DPP10: variants seen among roughly 807,000 people sequenced by gnomAD.
DPP10 encodes dipeptidyl peptidase like 10.
In DPP10, 33 loss-of-function variants were observed where a neutral mutation model predicts 120.9. The observed-to-expected ratio is 0.27, with a 90% CI of 0.21 to 0.37. The LOEUF is 0.37. Ranked by LOEUF, DPP10 falls within the 10% of genes least tolerant of loss-of-function variation. DPP10 has a pLI of 1.00. For missense variants in DPP10, 816 were observed against 942.8 expected, an observed-to-expected ratio of 0.87 and a Z score of 1.76; for synonymous variants, 337 against 326.1, an observed-to-expected ratio of 1.03 and a Z score of -0.36.
At chr2:114,450,744 G>A (rs1001849885) in intron 1 of DPP10, among the ~76,000 whole-genome samples, 14 of 150,600 alleles carry the variant, frequency 9.3e-5, no homozygotes, top group African/African-American at 3.4e-4. Flanking sequence ...AAAAAAAAAG[G>A]TTTTGCATTA....
chr2:114,749,730 C>G (rs1051073453), intron 1 of DPP10, among the ~76,000 whole-genome samples: 2 of 151,924 alleles, frequency 1.3e-5, no homozygotes, highest in Non-Finnish European at 2.9e-5. Context: ...CATGAGCCAC[C>G]ACACGCAGTC....
At chr2:115,336,827 A>G (rs1032866056) in intron 2 of DPP10, among the ~76,000 whole-genome samples, 1 of 151,994 alleles carries the variant, frequency 6.6e-6, no homozygotes, top group Non-Finnish European at 1.5e-5. Flanking sequence ...TTACAATCTA[A>G]TATTTTTTTC....
At chr2:115,589,871 C>G (rs2082519372) in intron 5 of DPP10, among the ~76,000 whole-genome samples, 1 of 152,134 alleles carries the variant, frequency 6.6e-6, no homozygotes, top group African/African-American at 2.4e-5. Context: ...AATAACTCAT[C>G]TAACAGACAG....
In DPP10 at chr2:114,469,711, G is replaced by C. The variant is rs553554633; in HGVS notation, c.60+26873G>C. ...CCACTGCACTCCAGCCTGGGTGACAGAGTGAGACTCCATCTCAAAAAAAAC... is the reference window on the plus strand; with the variant it reads ...CCACTGCACTCCAGCCTGGGTGACACAGTGAGACTCCATCTCAAAAAAAAC... On this transcript the variant is annotated intron_variant, in intron 1 of 25. Transcript: ENST00000410059. Among the ~76,000 whole-genome samples the C allele has an allele frequency of 5.2e-3, 732 of 139,618 alleles. 4 individuals carry two copies. The highest frequency in any genetic ancestry group is 9.5e-3 in the Non-Finnish European group (611 of 64,078). 91.6% of individuals were successfully genotyped at this position (139,618 alleles called of 152,430 possible). A position where few individuals can be genotyped will look rare whatever the true frequency, so the allele number is the denominator to read the frequency against.
At chr2:115,620,921 A>G (rs2084899591) in intron 5 of DPP10, among the ~76,000 whole-genome samples, 1 of 152,226 alleles carries the variant, frequency 6.6e-6, no homozygotes, top group African/African-American at 2.4e-5. Flanking sequence ...TATGGGAGAC[A>G]TGACTTTTAG....
chr2:114,992,389 C>A (rs1421242033), intron 1 of DPP10, among the ~76,000 whole-genome samples: 1 of 152,184 alleles, frequency 6.6e-6, no homozygotes, highest in Non-Finnish European at 1.5e-5. Context: ...GCCTAAAATT[C>A]ATGATTGTCA....
chr2:115,030,931 G>T (rs1162987516), intron 1 of DPP10, among the ~76,000 whole-genome samples: 1 of 152,220 alleles, frequency 6.6e-6, no homozygotes, highest in South Asian at 2.1e-4. Flanking sequence ...AGAATGTAAG[G>T]AATTATTTTC....
chr2:115,162,171 G>A, intron 1 of DPP10: 1 of 1,545,038 alleles, frequency 6.5e-7, no homozygotes, highest in Non-Finnish European at 8.7e-7. Flanking sequence ...AGGCTCTCCT[G>A]CTTCTCCACG....
chr2:115,148,581 A>C (rs1573786540), intron 1 of DPP10, among the ~76,000 whole-genome samples: 1 of 152,346 alleles, frequency 6.6e-6, no homozygotes, highest in East Asian at 1.9e-4. Context: ...TTAAAAAATA[A>C]TGGTTGAGAA....
At chr2:115,336,608 TA>T (rs1559446429) in intron 2 of DPP10, among the ~76,000 whole-genome samples, 4 of 151,648 alleles carry the variant, frequency 2.6e-5, no homozygotes, top group Non-Finnish European at 4.4e-5. Context: ...TCTATATATA[TA>T]TATATAATTG....
At position 114,567,523 on chromosome 2, in the gene DPP10, A is replaced by T. The variant is rs140125350; in HGVS notation, c.60+124685A>T. Among the ~76,000 whole-genome samples, 1,291 of 152,314 alleles carry T rather than the reference A, an allele frequency of 8.5e-3. 10 individuals carry two copies. Among genetic ancestry groups the T allele is most frequent in the Non-Finnish European group, 0.014 (964 of 68,028 alleles). On this transcript the variant is annotated intron_variant, in intron 1 of 25. Transcript: ENST00000410059. ...CAAGGGGCCATAAGCCAAGGAACGT[A>T]TGAGGCATCTAGAAGCTGGAAAAGG...
At position 115,665,572 on chromosome 2, in the gene DPP10, G is replaced by T. The variant is rs186338270; in HGVS notation, c.442-24115G>T. Among the ~76,000 whole-genome samples the T allele has an allele frequency of 5.3e-5, 8 of 152,204 alleles. No homozygotes were observed. The East Asian group carries it at 1.5e-3, about 29-fold the overall frequency. ...TAAATATAGAAAACCTTGCTTGTTA[G>T]TGTTTCAATGGATTGAGAGGCTTCT... On this transcript the variant is annotated intron_variant, in intron 5 of 25. Transcript: ENST00000410059.
intron 1 of DPP10, among the ~76,000 whole-genome samples, chr2:114,597,888 A>G (rs778176929): frequency 1.3e-5 from 2 of 151,856 alleles, no homozygotes; most frequent in Non-Finnish European, 2.9e-5. Context: ...TTTCCATTTC[A>G]ACTCCCACCA....
chr2:115,358,075 AT>A (rs1434591228), intron 3 of DPP10, among the ~76,000 whole-genome samples: 2 of 151,654 alleles, frequency 1.3e-5, no homozygotes, highest in African/African-American at 2.4e-5. Flanking sequence ...CCCTGGAGAC[AT>A]TTTTTCCATT....
At chr2:115,744,758 A>G (rs1191089012) in intron 9 of DPP10, among the ~76,000 whole-genome samples, 1 of 150,408 alleles carries the variant, frequency 6.6e-6, no homozygotes, top group African/African-American at 2.4e-5. Context: ...TCCTGATTTA[A>G]CTATGGGTTT....
chr2:115,809,940 G>C (rs1575848980), intron 19 of DPP10, among the ~76,000 whole-genome samples: 1 of 152,160 alleles, frequency 6.6e-6, no homozygotes, highest in Non-Finnish European at 1.5e-5. Flanking sequence ...GAGGCAGGCG[G>C]ATCACGAGGT....
At chr2:115,212,480 A>C (rs536348138) in intron 1 of DPP10, among the ~76,000 whole-genome samples, 1 of 152,158 alleles carries the variant, frequency 6.6e-6, no homozygotes. Context: ...TTTGTGGAGC[A>C]TACATCTGAA....
intron 3 of DPP10, among the ~76,000 whole-genome samples, chr2:115,447,119 T>G (rs2072676725): frequency 6.6e-6 from 1 of 152,090 alleles, no homozygotes; most frequent in Non-Finnish European, 1.5e-5. Flanking sequence ...ACCATTTGCA[T>G]TAGTGTGTCC....
intron 1 of DPP10, among the ~76,000 whole-genome samples, chr2:114,967,897 C>T (rs1022722454): frequency 3.9e-5 from 6 of 152,038 alleles, no homozygotes; most frequent in Non-Finnish European, 7.4e-5. Flanking sequence ...CACTTGGGGG[C>T]TTATTAGAAA....
Sources: gnomAD v4.1 joint callset for allele counts (sites outside exome capture counted in the v4.1 genomes callset) on GRCh38, gnomAD v4.1.1 for gene constraint, MANE v1.5 for transcripts, NCBI Gene and HGNC (gene_info 2026-07-23, HGNC 2026-07-21) for gene names.